The following CDHR3 variants were observed in gnomAD, a reference collection of about 807,000 sequenced individuals.
CDHR3 encodes cadherin related family member 3.
CDHR3 carries 79 observed loss-of-function variants against 86.6 expected under a neutral mutation model. The ratio of observed to expected loss-of-function variants is 0.91; its 90% CI spans 0.76 to 1.10. CDHR3 has a LOEUF of 1.10. Among genes scored for constraint, CDHR3 ranks in the 50% least tolerant of loss-of-function variants. CDHR3 has a pLI of 0.00. For synonymous variants in CDHR3, 421 were observed against 402.4 expected (o/e 1.05, Z -0.55); for missense variants, 1,081 against 1,077.6 (o/e 1.00, Z -0.04).
At chr7:105,999,714 C>T (rs2526978) in intron 6 of CDHR3, among the ~76,000 whole-genome samples, 40,611 of 152,058 alleles carry the variant, frequency 0.27, 5,738 homozygotes, top group East Asian at 0.32. Flanking sequence ...TCTGGCATCA[C>T]CTTATAATCA....
rs56076993 is a variant in CDHR3 at position 106,035,082 on chromosome 7, G to GA, written c.*2401dup. On this transcript the variant is annotated 3_prime_UTR_variant, in exon 19 of 19. Coordinates refer to ENST00000317716, the MANE Select transcript of CDHR3 (RefSeq NM_152750.5). ...TGACAAGGGCAAAACTCTGTGTCAA[G>GA]AAAAAAAAAAAAAAAAGAATAATTA... Among the ~76,000 whole-genome samples the GA allele has an allele frequency of 1.4e-3, 188 of 136,774 alleles. 1 individual carries two copies. The highest frequency in any genetic ancestry group is 2.6e-3 in the East Asian group (11 of 4,294). 89.7% of individuals were successfully genotyped at this position (136,774 alleles called of 152,430 possible).
intron 6 of CDHR3, among the ~76,000 whole-genome samples, chr7:105,998,831 T>G (rs550909240): frequency 6.6e-6 from 1 of 152,172 alleles, no homozygotes; most frequent in Non-Finnish European, 1.5e-5. Flanking sequence ...ACCTGACATA[T>G]TTACTGTTTC....
At chr7:106,005,728 T>C (rs568298891) in intron 8 of CDHR3, among the ~76,000 whole-genome samples, 1 of 152,248 alleles carries the variant, frequency 6.6e-6, no homozygotes, top group Admixed American at 6.5e-5. Flanking sequence ...GCAGGAGAAA[T>C]AGAAATTCCT....
At chr7:106,003,902 T>A (rs1255579804) in intron 7 of CDHR3, among the ~76,000 whole-genome samples, 1 of 144,206 alleles carries the variant, frequency 6.9e-6, no homozygotes. Flanking sequence ...TTTTAACAAG[T>A]AGAGTGAGGT....
At chr7:106,003,291 C>T (rs768235849) in intron 7 of CDHR3, among the ~76,000 whole-genome samples, 1 of 152,126 alleles carries the variant, frequency 6.6e-6, no homozygotes, top group African/African-American at 2.4e-5. Flanking sequence ...CTAGTGGTAA[C>T]TGTATGGGAC....
intron 6 of CDHR3, among the ~76,000 whole-genome samples, chr7:105,996,846 C>T (rs1045481215): frequency 1.3e-5 from 2 of 152,098 alleles, no homozygotes; most frequent in Non-Finnish European, 2.9e-5. Context: ...AAAAGTGATC[C>T]GGCTGTGTCT....
At chr7:105,981,764 G>C (rs572449918) in intron 3 of CDHR3, among the ~76,000 whole-genome samples, 1 of 151,932 alleles carries the variant, frequency 6.6e-6, no homozygotes, top group Non-Finnish European at 1.5e-5. Flanking sequence ...CAAACTCCTG[G>C]CTTCCTCTCC....
intron 1 of CDHR3, among the ~76,000 whole-genome samples, chr7:105,966,375 C>T (rs575349216): frequency 6.6e-6 from 1 of 152,220 alleles, no homozygotes; most frequent in Non-Finnish European, 1.5e-5. Flanking sequence ...CCAAACCCAT[C>T]CAACTGAGTT....
At chr7:106,026,127 G>C (rs1054033050) in intron 15 of CDHR3, among the ~76,000 whole-genome samples, 1 of 152,192 alleles carries the variant, frequency 6.6e-6, no homozygotes, top group Non-Finnish European at 1.5e-5. Context: ...AACCTCTCTG[G>C]AAATTAGTTA....
intron 16 of CDHR3, among the ~76,000 whole-genome samples, chr7:106,028,100 A>G (rs1302057654): frequency 6.6e-6 from 1 of 151,098 alleles, no homozygotes; most frequent in East Asian, 1.9e-4. Flanking sequence ...CTGGACGACA[A>G]GAGTGAGACC....
intron 2 of CDHR3, 92 bp from the exon 3 acceptor site, chr7:105,980,876 C>T: frequency 5.8e-6 from 7 of 1,217,068 alleles, no homozygotes; most frequent in Non-Finnish European, 8.1e-6. Flanking sequence ...ATGCCAGATG[C>T]TTCCTTCCTA....
In CDHR3 at chr7:106,030,663, C is replaced by G. The variant is rs1838190521; in HGVS notation, c.2305-129C>G. 1 of 767,820 alleles carries G rather than the reference C, an allele frequency of 1.3e-6. No individual in the cohort carries two copies. Among genetic ancestry groups the G allele is most frequent in the Non-Finnish European group, 2.2e-6 (1 of 450,446 alleles). The allele number at this position is 767,820 out of a possible 1,614,324, so 47.6% of individuals were successfully genotyped here. On this transcript the variant is annotated intron_variant, in intron 17 of 18. Transcript: ENST00000317716. This position sits in a 1 kb window ranked among gnomAD's most constrained non-coding sequence, Gnocchi z 4.8. ...ATCACTGTGTCCCCTGCATCTATCA[C>G]AGTGCCTAATTAAAGACTTAGAAGT... is the stretch of plus-strand genomic sequence containing the variant.
chr7:105,966,570 A>T (rs1037434290), intron 1 of CDHR3, among the ~76,000 whole-genome samples: 3 of 152,228 alleles, frequency 2.0e-5, no homozygotes, highest in African/African-American at 7.2e-5. Flanking sequence ...GGAAGATGCA[A>T]TCCATTTCTA....
chr7:105,977,953 T>G (rs1195409403), intron 2 of CDHR3, among the ~76,000 whole-genome samples: 1 of 152,234 alleles, frequency 6.6e-6, no homozygotes, highest in South Asian at 2.1e-4. Context: ...ATTTACCATA[T>G]GCCAGGAATT....
intron 4 of CDHR3, among the ~76,000 whole-genome samples, chr7:105,985,267 C>A (rs114541): frequency 6.6e-6 from 1 of 151,830 alleles, no homozygotes; most frequent in Non-Finnish European, 1.5e-5. Context: ...TGGGAGTGGA[C>A]GCCTCAGCTC....
At chr7:106,022,857 C>T (rs894387070) in intron 14 of CDHR3, among the ~76,000 whole-genome samples, 8 of 152,148 alleles carry the variant, frequency 5.3e-5, no homozygotes, top group African/African-American at 1.7e-4. Flanking sequence ...AGGTTGCTTG[C>T]TTACTGCTGG....
Position 106,033,152 on chromosome 7 carries a change from T to G in CDHR3, c.*455T>G, listed in dbSNP as rs550669007. 6.4e-6 allele frequency: 1 copy of G among 157,124 alleles called. No individual in the cohort carries two copies. Among genetic ancestry groups the G allele is most frequent in the South Asian group, 1.9e-4 (1 of 5,148 alleles). The allele number at this position is 157,124 out of a possible 1,614,324, so 9.7% of individuals were successfully genotyped here. ...TCAGTTATAAATATGCCATACACCT[T>G]TGTAAGTCACCTCAAATCTTCTTCA... On this transcript the variant is annotated 3_prime_UTR_variant, in exon 19 of 19. Coordinates refer to ENST00000317716, the MANE Select transcript of CDHR3 (RefSeq NM_152750.5).
At chr7:105,998,807 GA>G (rs562780470) in intron 6 of CDHR3, among the ~76,000 whole-genome samples, 47 of 142,108 alleles carry the variant, frequency 3.3e-4, no homozygotes, top group Middle Eastern at 3.7e-3. Flanking sequence ...AAAAGAAAAA[GA>G]AAAAAAAAAA....
At chr7:105,965,562 G>GCCCCCCCCCCCCCCCCCCCCCCC (rs372930710) in intron 1 of CDHR3, among the ~76,000 whole-genome samples, 1 of 56,338 alleles carries the variant, frequency 1.8e-5, no homozygotes, top group Non-Finnish European at 4.4e-5. Context: ...CCCAACTCAA[G>GCCCCCCCCCCCCCCCCCCCCCCC]CCCCACCCCC....
Sources: gnomAD v4.1 joint callset for allele counts (sites outside exome capture counted in the v4.1 genomes callset) on GRCh38, gnomAD v4.1.1 for gene constraint, Gnocchi (gnomAD v3.1) non-coding constraint, MANE v1.5 for transcripts, NCBI Gene and HGNC (gene_info 2026-07-23, HGNC 2026-07-21) for gene names.